The following CERK variants were observed in gnomAD, a reference collection of about 807,000 sequenced individuals.
The protein encoded by CERK is acylsphingosine kinase.
Under a neutral mutation model 63.4 loss-of-function variants are expected in CERK, and 39 were observed. The ratio of observed to expected loss-of-function variants is 0.61; its 90% CI spans 0.48 to 0.80. CERK has a LOEUF of 0.80. CERK is among the 30% of genes least tolerant of loss of function. The pLI, the probability that CERK is intolerant of heterozygous loss-of-function variation, is 0.00. For synonymous variants in CERK, 302 were observed against 280.0 expected (o/e 1.08, Z -0.78); for missense variants, 670 against 714.1 (o/e 0.94, Z 0.70).
chr22:46,711,065 G>A (rs373557779), intron 5 of CERK, 21 bp downstream of exon 5: 516 of 1,601,010 alleles, frequency 3.2e-4, no homozygotes, highest in Non-Finnish European at 4.1e-4. Context: ...ACTTGATGGC[G>A]ATGAAAGACG....
At chr22:46,688,764 A>G (rs1447433578) in intron 12 of CERK, among the ~76,000 whole-genome samples, 1 of 152,264 alleles carries the variant, frequency 6.6e-6, no homozygotes, top group Non-Finnish European at 1.5e-5. Context: ...CCAGCCTGCT[A>G]TCGCTCTCAC....
intron 1 of CERK, among the ~76,000 whole-genome samples, chr22:46,729,050 G>A (rs2082933468): frequency 6.6e-6 from 1 of 152,214 alleles, no homozygotes; most frequent in Non-Finnish European, 1.5e-5. Context: ...ACCCAGCCAG[G>A]CTGAGCACCT....
intron 3 of CERK, among the ~76,000 whole-genome samples, chr22:46,719,659 A>G (rs920595276): frequency 3.9e-5 from 6 of 152,198 alleles, no homozygotes; most frequent in African/African-American, 1.4e-4. Flanking sequence ...GCAACCAAGC[A>G]AGACTCCATC....
intron 1 of CERK, among the ~76,000 whole-genome samples, chr22:46,727,126 C>G (rs1433769410): frequency 6.6e-6 from 1 of 152,210 alleles, no homozygotes; most frequent in Non-Finnish European, 1.5e-5. Flanking sequence ...CGTGGTTTTT[C>G]TGACCGCACG....
intron 1 of CERK, among the ~76,000 whole-genome samples, chr22:46,730,605 G>T (rs563600484): frequency 2.6e-5 from 4 of 152,338 alleles, no homozygotes; most frequent in Non-Finnish European, 4.4e-5. Context: ...CTAAAGAGCA[G>T]AGAGAAAGAA....
chr22:46,728,066 T>C (rs73180696), intron 1 of CERK, among the ~76,000 whole-genome samples: 37,273 of 152,018 alleles, frequency 0.25, 5,414 homozygotes, highest in East Asian at 0.36. Flanking sequence ...GCGCAGCCCC[T>C]GTGTGTGGGT....
chr22:46,720,167 C>T lies in CERK; in HGVS notation c.298G>A (p.Ala100Thr). ...KRARRHRWKW[A>T]QVTFWCPEEQ... ...TCTGGACACCAGAAAGTCACCTGCG[C>T]CCACTTCCAGCGGTGCCGTCGTGCT... Residue 100 changes from alanine to threonine, a missense_variant, in exon 3 of 13, where the codon GCG becomes ACG. Coordinates refer to ENST00000216264, the MANE Select transcript of CERK (RefSeq NM_022766.6). The T allele has an allele frequency of 6.2e-7, 1 of 1,614,108 alleles. No individual in the cohort carries two copies. The highest frequency in any genetic ancestry group is 8.5e-7 in the Non-Finnish European group (1 of 1,180,018).
intron 1 of CERK, among the ~76,000 whole-genome samples, chr22:46,732,810 G>A (rs1248474188): frequency 6.6e-6 from 1 of 152,062 alleles, no homozygotes; most frequent in African/African-American, 2.4e-5. Flanking sequence ...ATCCACTTCC[G>A]AATGTTTTCT....
At chr22:46,723,865 C>G (rs766519585) in intron 1 of CERK, among the ~76,000 whole-genome samples, 27 of 152,004 alleles carry the variant, frequency 1.8e-4, no homozygotes, top group Admixed American at 6.5e-5. Flanking sequence ...ACCCGGCTAA[C>G]TTTTGTACTT....
chr22:46,696,861 G>A (rs1286081340), intron 8 of CERK, among the ~76,000 whole-genome samples: 4 of 152,174 alleles, frequency 2.6e-5, no homozygotes, highest in Non-Finnish European at 4.4e-5. Context: ...AGGCATGCAG[G>A]GGGGCTGCCC....
Position 46,712,229 on chromosome 22 carries a change from C to A in CERK, c.444G>T (p.Arg148=). The change falls in exon 4 of 13, where the codon CGG becomes CGT. Residue 148 remains arginine, a synonymous_variant. Transcript: ENST00000216264. ...NPFGGKGQGK[R]IYERKVAPLF... Reference sequence around the variant, plus strand: ...GTGGTGCCACTTTTCTTTCATATATCCGCTTGCCTTGTCCTTTTCCTCCAA... The same window carrying A: ...GTGGTGCCACTTTTCTTTCATATATACGCTTGCCTTGTCCTTTTCCTCCAA... 6.2e-7 allele frequency: 1 copy of A among 1,614,144 alleles called. No individual in the cohort carries two copies. The highest frequency in any genetic ancestry group is 8.5e-7 in the Non-Finnish European group (1 of 1,179,968).
Position 46,689,425 on chromosome 22 carries a change from C to T in CERK, c.1541+567G>A, listed in dbSNP as rs540934762. On this transcript the variant is annotated intron_variant, in intron 12 of 12. Coordinates refer to ENST00000216264, the MANE Select transcript of CERK (RefSeq NM_022766.6). ...TCGCTCTGTCACCAAGGCTGGAGTG[C>T]AGTGGCATGGTCTCGGCTCACTGCA... is the stretch of plus-strand genomic sequence containing the variant. Among the ~76,000 whole-genome samples the T allele has an allele frequency of 3.9e-5, 6 of 152,370 alleles. No homozygotes were observed. In the South Asian group the frequency reaches 6.2e-4, roughly 16 times the overall value.
At chr22:46,699,530 C>G (rs1569321054) in intron 7 of CERK, 65 bp from the exon 8 acceptor site, 6 of 1,490,718 alleles carry the variant, frequency 4.0e-6, no homozygotes, top group Non-Finnish European at 5.6e-6. Context: ...CCACTCCATC[C>G]CCTTCAATAG....
intron 9 of CERK, 89 bp downstream of exon 9, chr22:46,695,121 T>G: frequency 1.4e-6 from 1 of 739,562 alleles, no homozygotes; most frequent in Non-Finnish European, 2.3e-6. Context: ...TTCCACCACA[T>G]TTGGAAAATA....
chr22:46,729,842 A>G (rs2082936800), intron 1 of CERK, among the ~76,000 whole-genome samples: 1 of 152,008 alleles, frequency 6.6e-6, no homozygotes, highest in Non-Finnish European at 1.5e-5. Context: ...GATCGAGACC[A>G]TCCTGGCTAA....
intron 1 of CERK, 70 bp from the exon 2 acceptor site, chr22:46,721,085 C>T (rs1322467207): frequency 1.0e-6 from 1 of 968,710 alleles, no homozygotes; most frequent in Non-Finnish European, 1.7e-6. Flanking sequence ...AGTCCAACTC[C>T]AAGAAGCTGA....
At chr22:46,701,587 C>T (rs929848054) in intron 7 of CERK, 49 bp downstream of exon 7, 40 of 1,485,362 alleles carry the variant, frequency 2.7e-5, no homozygotes, top group Admixed American at 6.0e-5. Flanking sequence ...GGCCTGGGGG[C>T]GCAGGAGGCC....
rs181182260 is a variant in CERK, at chr22:46,714,227, C to T, written c.380-1934G>A. On this transcript the variant is annotated intron_variant, in intron 3 of 12. Coordinates refer to ENST00000216264, the MANE Select transcript of CERK (RefSeq NM_022766.6). The surrounding 1 kb of genome is among the most constrained non-coding windows in gnomAD (Gnocchi z 4.4). ...TGGAGGTTGCAGTGAGCCAAGATCG[C>T]GCCATTGCACTCCAGCCTGGGTGAC... Among the ~76,000 whole-genome samples the T allele has an allele frequency of 4.6e-4, 70 of 152,220 alleles. No individual in the cohort carries two copies. The East Asian group carries it at 9.1e-3, about 20-fold the overall frequency.
At chr22:46,689,245 G>A (rs781319125) in intron 12 of CERK, among the ~76,000 whole-genome samples, 1 of 152,248 alleles carries the variant, frequency 6.6e-6, no homozygotes, top group South Asian at 2.1e-4. Context: ...TCCCAGCCCT[G>A]CTGCCTCCTG....
Sources: allele counts gnomAD v4.1 joint callset (sites outside exome capture counted in the v4.1 genomes callset), GRCh38; gene constraint gnomAD v4.1.1; non-coding constraint Gnocchi (gnomAD v3.1); transcripts MANE v1.5; gene names NCBI Gene and HGNC (gene_info 2026-07-23, HGNC 2026-07-21).